Variants in ZGRF1 observed in about 807,000 individuals in gnomAD.
ZGRF1 encodes zinc finger GRF-type containing 1, also known as 5'-3' DNA helicase ZGRF1.
A neutral mutation model predicts 203.5 loss-of-function variants in ZGRF1; 196 were observed. The ratio of observed to expected loss-of-function variants is 0.96; its 90% CI spans 0.86 to 1.08. ZGRF1 has a LOEUF of 1.08. Ranked by LOEUF, ZGRF1 falls within the 50% of genes least tolerant of loss-of-function variation. ZGRF1 has a pLI of 0.00. For missense variants in ZGRF1, 2,326 were observed against 2,416.3 expected, an observed-to-expected ratio of 0.96 and a Z score of 0.78; for synonymous variants, 809 against 841.3, an observed-to-expected ratio of 0.96 and a Z score of 0.66.
At position 112,539,419 on chromosome 4, in the gene ZGRF1, T is replaced by C. The variant is rs531597066; in HGVS notation, c.*128A>G. On this transcript the variant is annotated 3_prime_UTR_variant, in exon 28 of 28. Transcript: ENST00000505019. The stretch of plus-strand genomic sequence containing the variant: ...TTTTTTGAAGAACAAAATTTTTACA[T>C]GTGTTTACTATGTTATTTAAATATC... 38 of 528,126 alleles carry C rather than the reference T, an allele frequency of 7.2e-5. No individual in the cohort carries two copies. The highest frequency in any genetic ancestry group is 6.3e-4 in the African/African-American group (32 of 51,176). The allele number at this position is 528,126 out of a possible 1,614,324, so 32.7% of individuals were successfully genotyped here.
At chr4:112,569,861 T>C (rs1477052914) in intron 16 of ZGRF1, among the ~76,000 whole-genome samples, 1 of 152,070 alleles carries the variant, frequency 6.6e-6, no homozygotes, top group Non-Finnish European at 1.5e-5. Flanking sequence ...AAAAGACTTA[T>C]GAAACTAATA....
In ZGRF1 at chr4:112,553,854, T is replaced by C. The variant is rs766548463; in HGVS notation, c.5327A>G (p.Asn1776Ser). Residue 1776 changes from asparagine (N) to serine (S), a missense_variant, in exon 22 of 28, where the codon AAT (asparagine) becomes AGT (serine). Physicochemically the swap from Asn to Ser is conservative, Grantham distance 46. Coordinates refer to ENST00000505019, the MANE Select transcript of ZGRF1 (RefSeq NM_018392.5). ...TCTTACCTGCTTCAGCAGGGTTCTA[T>C]TGGTCCCCAGTTTATGCTGCTCAAT... ...KSIEQHKLGT[N>S]RTLLKQVRVV... 7 of 1,611,552 alleles carry C rather than the reference T, an allele frequency of 4.3e-6. No homozygotes were observed. The highest frequency in any genetic ancestry group is 2.2e-5 in the South Asian group (2 of 90,114).
Position 112,563,195 on chromosome 4 carries a change from T to G in ZGRF1, c.4518A>C (p.Ser1506=), listed in dbSNP as rs1476061393. Residue 1506 remains serine, a synonymous_variant, in exon 17 of 28, where the codon TCA becomes TCC. Coordinates refer to ENST00000505019, the MANE Select transcript of ZGRF1 (RefSeq NM_018392.5). ...GCAGTATTTCTATCTCATTGATAGA[T>G]GATGGTCCAAAGAAAGCACTACATG... ...FIACSAFFGP[S]SINEIEILPL... The G allele has an allele frequency of 6.5e-7, 1 of 1,550,210 alleles. No individual in the cohort carries two copies. Among genetic ancestry groups the G allele is most frequent in the Admixed American group, 2.0e-5 (1 of 51,002 alleles).
chr4:112,569,923 A>G (rs920323557), intron 16 of ZGRF1, among the ~76,000 whole-genome samples: 1 of 152,210 alleles, frequency 6.6e-6, no homozygotes, highest in African/African-American at 2.4e-5. Flanking sequence ...TTTTTAAGAA[A>G]AAATTATTAG....
chr4:112,617,788 CA>C lies in ZGRF1; in HGVS notation c.2253del (p.Ile751MetfsTer72), dbSNP rs780602283. On this transcript the variant is annotated frameshift_variant, in exon 6 of 28. Transcript: ENST00000505019. LOFTEE classifies it high-confidence loss of function. ...LNTNQNHYECIALDKSNTHIS... is the reference protein window; with the variant it reads ...LNTNQNHYECXALDKSNTHIS... ...ATGTGGGTATTTGATTTATCAAGTG[CA>C]ATACATTCATAGTGATTCTGATTGG... 1 of 1,613,850 alleles carries C rather than the reference CA, an allele frequency of 6.2e-7. No homozygotes were observed. Among genetic ancestry groups the C allele is most frequent in the Non-Finnish European group, 8.5e-7 (1 of 1,179,814 alleles).
rs748640595 is a variant in ZGRF1, at chr4:112,548,336, G to A, written c.5391C>T (p.Cys1797=). The A allele has an allele frequency of 2.6e-6, 4 of 1,554,476 alleles. No individual in the cohort carries two copies. In the South Asian group the frequency reaches 3.6e-5, roughly 14 times the overall value. ...CTACAGGAAATTTAAGATCATTCAT[G>A]CATGGGAATGGGCAGGCTGCACAGG... The part of the protein sequence containing the change: ...GVTCAACPFP[C]MNDLKFPVVV... The change falls in exon 23 of 28, where the codon TGC becomes TGT. Residue 1797 remains cysteine, a synonymous_variant. Coordinates refer to ENST00000505019, the MANE Select transcript of ZGRF1 (RefSeq NM_018392.5).
intron 16 of ZGRF1, among the ~76,000 whole-genome samples, chr4:112,580,754 C>T (rs1746081221): frequency 6.6e-6 from 1 of 152,052 alleles, no homozygotes; most frequent in South Asian, 2.1e-4. Flanking sequence ...GTAAGAATGG[C>T]GATCACTAAA....
chr4:112,582,952 A>G (rs1260492650), intron 15 of ZGRF1, among the ~76,000 whole-genome samples: 2 of 152,200 alleles, frequency 1.3e-5, no homozygotes, highest in East Asian at 3.8e-4. Flanking sequence ...AATAAACATG[A>G]AAGTGCAGGT....
intron 24 of ZGRF1, 116 bp downstream of exon 24, chr4:112,547,169 T>G (rs1357203896): frequency 9.5e-7 from 1 of 1,053,446 alleles, no homozygotes; most frequent in Non-Finnish European, 1.3e-6. Context: ...CAACTCCAAT[T>G]ATACATTATT....
intron 9 of ZGRF1, among the ~76,000 whole-genome samples, chr4:112,605,212 G>A (rs1750594478): frequency 6.6e-6 from 1 of 151,860 alleles, no homozygotes. Context: ...CCAGGCTGGA[G>A]TGCAGTGGCA....
intron 18 of ZGRF1, among the ~76,000 whole-genome samples, chr4:112,562,034 C>T (rs1303846861): frequency 4.6e-5 from 7 of 151,850 alleles, no homozygotes; most frequent in South Asian, 2.1e-4. Context: ...CTCAGCCTCC[C>T]GAATAGCTGT....
chr4:112,589,247 G>A (rs1436533090), intron 11 of ZGRF1, among the ~76,000 whole-genome samples: 1 of 152,122 alleles, frequency 6.6e-6, no homozygotes, highest in African/African-American at 2.4e-5. Flanking sequence ...TCATAGTGAA[G>A]GGCCAAAATA....
chr4:112,631,908 T>C (rs1417163784), intron 3 of ZGRF1, 22 bp downstream of exon 3: 5 of 1,441,940 alleles, frequency 3.5e-6, no homozygotes, highest in African/African-American at 2.9e-5. Flanking sequence ...TTGCACCCTA[T>C]AGTCAACTGC....
chr4:112,604,223 CA>C (rs35629278), intron 9 of ZGRF1, among the ~76,000 whole-genome samples: 43 of 138,050 alleles, frequency 3.1e-4, no homozygotes, highest in African/African-American at 3.5e-4. Context: ...GATTCCATCT[CA>C]AAAAAAAAAA....
chr4:112,565,429 T>G, intron 16 of ZGRF1: 1 of 368,462 alleles, frequency 2.7e-6, no homozygotes, highest in Non-Finnish European at 4.3e-6. Flanking sequence ...CATTTCATTC[T>G]CAAAAAAAAA....
chr4:112,600,729 T>G (rs1016861182), intron 10 of ZGRF1, among the ~76,000 whole-genome samples: 11 of 152,102 alleles, frequency 7.2e-5, no homozygotes, highest in Non-Finnish European at 1.6e-4. Flanking sequence ...TCCTTGCTTC[T>G]AGCCCTCCTA....
At chr4:112,601,530 C>T (rs370084825) in intron 10 of ZGRF1, among the ~76,000 whole-genome samples, 7 of 150,228 alleles carry the variant, frequency 4.7e-5, no homozygotes, top group East Asian at 3.9e-4. Context: ...GCTGAGATCA[C>T]GCCACTGCAC....
In ZGRF1 at chr4:112,560,891, G is replaced by A; in HGVS notation, c.4802C>T (p.Ala1601Val). Residue 1601 changes from alanine to valine, a missense_variant, in exon 19 of 28, where the codon GCA becomes GTA. Coordinates refer to ENST00000505019, the MANE Select transcript of ZGRF1 (RefSeq NM_018392.5). ...CAACTCACTAGCTAACTTCAATGTT[G>A]CTCCTAGGCTGAGTAGTTCAAATTT... is the stretch of plus-strand genomic sequence containing the variant. ...STKFELLSLG[A>V]TLKLASELIQ... is the part of the protein sequence containing the mutation. 1.2e-6 allele frequency: 2 copies of A among 1,613,680 alleles called. No individual in the cohort carries two copies. Among genetic ancestry groups the A allele is most frequent in the Non-Finnish European group, 1.7e-6 (2 of 1,179,742 alleles).
intron 16 of ZGRF1, among the ~76,000 whole-genome samples, chr4:112,574,770 G>T (rs1272183459): frequency 1.3e-5 from 2 of 152,152 alleles, no homozygotes; most frequent in Non-Finnish European, 2.9e-5. Flanking sequence ...GGTGGCTCAT[G>T]TCTGTAATCC....
Sources: gnomAD v4.1 joint callset for allele counts (sites outside exome capture counted in the v4.1 genomes callset) on GRCh38, gnomAD v4.1.1 for gene constraint, MANE v1.5 for transcripts, NCBI Gene and HGNC (gene_info 2026-07-23, HGNC 2026-07-21) for gene names.